Variants in ZNF407 observed in about 807,000 individuals in gnomAD.
The protein encoded by ZNF407 is zinc finger protein 407.
Under a neutral mutation model 131.2 loss-of-function variants are expected in ZNF407, and 17 were observed. That is an observed-to-expected ratio of 0.13 (90% confidence interval 0.09 to 0.19). ZNF407 has a LOEUF of 0.19. Among genes scored for constraint, ZNF407 ranks in the 10% least tolerant of loss-of-function variants. The probability of loss-of-function intolerance (pLI) is 1.00; values close to 1 mark genes in which losing one functional copy is unlikely to be tolerated. For missense variants in ZNF407, 2,681 were observed against 2,830.6 expected (o/e 0.95, Z 1.20); for synonymous variants, 1,156 against 1,062.0 (o/e 1.09, Z -1.72).
chr18:74,828,668 G>A (rs1415769307), intron 4 of ZNF407, among the ~76,000 whole-genome samples: 2 of 152,146 alleles, frequency 1.3e-5, no homozygotes, highest in African/African-American at 4.8e-5. Context: ...CGCTGTTCCT[G>A]GTGTGTGCTA....
At chr18:74,940,799 C>T (rs1205171087) in intron 8 of ZNF407, among the ~76,000 whole-genome samples, 1 of 152,154 alleles carries the variant, frequency 6.6e-6, no homozygotes, top group Non-Finnish European at 1.5e-5. Context: ...TTACCTGGAT[C>T]CTTTATTCAC....
At chr18:74,910,715 T>G (rs1971658151) in intron 7 of ZNF407, among the ~76,000 whole-genome samples, 1 of 152,212 alleles carries the variant, frequency 6.6e-6, no homozygotes, top group Admixed American at 6.5e-5. Context: ...CCCACATTTT[T>G]AATGATTAGA....
In ZNF407 at chr18:74,634,744, GTGT is replaced by G. The variant is rs1984354380; in HGVS notation, c.3729_3731del (p.Val1244del). On this transcript the variant is annotated inframe_deletion, in exon 2 of 9. Transcript: ENST00000299687. Reference sequence around the variant, plus strand: ...GGAGGAAACGCAGGAGACGGTGGAGGTGTTGTCCCCCACAGACACCTGTGCCCT... The same window carrying G: ...GGAGGAAACGCAGGAGACGGTGGAGGTGTCCCCCACAGACACCTGTGCCCT... The G allele has an allele frequency of 6.2e-7, 1 of 1,613,946 alleles. No individual in the cohort carries two copies. Among genetic ancestry groups the G allele is most frequent in the African/African-American group, 1.3e-5 (1 of 74,950 alleles).
intron 3 of ZNF407, among the ~76,000 whole-genome samples, chr18:74,714,550 T>G (rs1967845656): frequency 6.6e-6 from 1 of 152,244 alleles, no homozygotes; most frequent in Non-Finnish European, 1.5e-5. Context: ...CTGGTACTTG[T>G]TAATATCTTC....
chr18:74,739,625 A>G (rs1427065779), intron 3 of ZNF407, among the ~76,000 whole-genome samples: 1 of 152,118 alleles, frequency 6.6e-6, no homozygotes, highest in Admixed American at 6.6e-5. Context: ...AAGGAGGTAC[A>G]TGATTATAAG....
intron 8 of ZNF407, among the ~76,000 whole-genome samples, chr18:75,006,553 T>C (rs138977061): frequency 0.024 from 3,580 of 152,266 alleles, 56 homozygotes; most frequent in Middle Eastern, 0.048. Context: ...CTGATGTTGG[T>C]GGGTTTTAAA....
At chr18:74,710,452 G>A (rs1161562795) in intron 3 of ZNF407, among the ~76,000 whole-genome samples, 3 of 152,080 alleles carry the variant, frequency 2.0e-5, no homozygotes, top group South Asian at 2.1e-4. Flanking sequence ...TCTAAAATAC[G>A]CGAGCAGTGT....
chr18:74,846,236 A>G lies in ZNF407; in HGVS notation c.4878-30961A>G, dbSNP rs567947857. Among the ~76,000 whole-genome samples, 53 of 152,344 alleles carry G rather than the reference A, an allele frequency of 3.5e-4. 2 individuals are homozygous for G. Among genetic ancestry groups the G allele is most frequent in the African/African-American group, 1.3e-3 (52 of 41,586 alleles). On this transcript the variant is annotated intron_variant, in intron 4 of 8. Transcript: ENST00000299687. ...TTGATATTCAATCATTTTATATAAA[A>G]TACATCCTAACAAACAGCTTAAAGT...
At chr18:75,028,438 C>T (rs1973197417) in intron 8 of ZNF407, among the ~76,000 whole-genome samples, 1 of 152,182 alleles carries the variant, frequency 6.6e-6, no homozygotes. Context: ...GAATGACCTC[C>T]ATTTTACCTT....
intron 3 of ZNF407, among the ~76,000 whole-genome samples, chr18:74,761,383 A>G (rs1311772327): frequency 6.6e-6 from 1 of 152,102 alleles, no homozygotes; most frequent in Non-Finnish European, 1.5e-5. Flanking sequence ...TAGGTATACC[A>G]TGAGATTTTA....
At chr18:75,039,597 T>C (rs1973348731) in intron 8 of ZNF407, among the ~76,000 whole-genome samples, 1 of 152,218 alleles carries the variant, frequency 6.6e-6, no homozygotes. Flanking sequence ...CTAGGTGTTA[T>C]CCTGCATTTG....
chr18:74,926,110 A>T (rs796357486), intron 8 of ZNF407, among the ~76,000 whole-genome samples: 1 of 152,136 alleles, frequency 6.6e-6, no homozygotes, highest in South Asian at 2.1e-4. Context: ...GTGCTGCTAA[A>T]TGTCTTTGTT....
chr18:74,969,885 C>T (rs920791287), intron 8 of ZNF407, among the ~76,000 whole-genome samples: 2 of 152,188 alleles, frequency 1.3e-5, no homozygotes, highest in Non-Finnish European at 2.9e-5. Context: ...CTGTTCCACT[C>T]CCTTCCTTCC....
At chr18:74,739,404 A>T (rs1406606128) in intron 3 of ZNF407, among the ~76,000 whole-genome samples, 1 of 152,002 alleles carries the variant, frequency 6.6e-6, no homozygotes, top group Non-Finnish European at 1.5e-5. Flanking sequence ...ACAGTGAGGC[A>T]CATGCTTCTC....
At chr18:74,852,202 C>A (rs984683208) in intron 4 of ZNF407, among the ~76,000 whole-genome samples, 1 of 149,646 alleles carries the variant, frequency 6.7e-6, no homozygotes, top group Non-Finnish European at 1.5e-5. Context: ...CACACACGCA[C>A]GCACGCACGC....
chr18:75,005,388 T>A lies in ZNF407; in HGVS notation c.5429-57762T>A, dbSNP rs182478607. ...TTGGTTGAGGGTTTATATTAAAGCC[T>A]GTGAAGAATCTGATTCAGCCCAGAC... is the stretch of plus-strand genomic sequence containing the variant. On this transcript the variant is annotated intron_variant, in intron 8 of 8. Coordinates refer to ENST00000299687, the MANE Select transcript of ZNF407 (RefSeq NM_017757.3). Among the ~76,000 whole-genome samples, 3 of 152,282 alleles carry A rather than the reference T, an allele frequency of 2.0e-5. No individual in the cohort carries two copies. The East Asian group carries it at 5.8e-4, about 29-fold the overall frequency.
chr18:75,004,053 G>A (rs950188571), intron 8 of ZNF407, among the ~76,000 whole-genome samples: 1 of 152,190 alleles, frequency 6.6e-6, no homozygotes, highest in African/African-American at 2.4e-5. Context: ...TTTGTGTTGA[G>A]AAACTAAAAG....
intron 8 of ZNF407, among the ~76,000 whole-genome samples, chr18:75,004,951 G>A (rs1972891051): frequency 6.6e-6 from 1 of 152,190 alleles, no homozygotes; most frequent in South Asian, 2.1e-4. Flanking sequence ...TCTATCAGCG[G>A]TGTTCCACAT....
At chr18:74,630,141 A>G (rs1983984996) in intron 1 of ZNF407, among the ~76,000 whole-genome samples, 1 of 149,078 alleles carries the variant, frequency 6.7e-6, no homozygotes, top group Non-Finnish European at 1.5e-5. Context: ...TCTTTGCTTT[A>G]GGAGAAAAGG....
Sources: allele counts gnomAD v4.1 joint callset (sites outside exome capture counted in the v4.1 genomes callset), GRCh38; gene constraint gnomAD v4.1.1; transcripts MANE v1.5; gene names NCBI Gene and HGNC (gene_info 2026-07-23, HGNC 2026-07-21).